SMIM14: variants seen among roughly 807,000 people sequenced by gnomAD.
SMIM14 encodes the protein small integral membrane protein 14, also known as chromosome 4 open reading frame 34.
Under a neutral mutation model 12.6 loss-of-function variants are expected in SMIM14, and 5 were observed. The observed-to-expected ratio is 0.40, with a 90% confidence interval of 0.21 to 0.83. The LOEUF (loss-of-function observed/expected upper bound fraction) is 0.83, where lower values mean the gene tolerates loss of function less well. SMIM14 is among the 40% of genes least tolerant of loss of function. The pLI is 0.37. For synonymous variants in SMIM14, 30 were observed against 40.1 expected (o/e 0.75, Z 0.95); for missense variants, 86 against 119.1 (o/e 0.72, Z 1.29).
chr4:39,562,521 C>T (rs1318842317), intron 3 of SMIM14, among the ~76,000 whole-genome samples: 2 of 152,174 alleles, frequency 1.3e-5, no homozygotes, highest in Admixed American at 1.3e-4. Context: ...CAGTGTCTCA[C>T]TCTGTCTCCC....
chr4:39,575,144 C>T (rs867542772), intron 2 of SMIM14, among the ~76,000 whole-genome samples: 11 of 146,698 alleles, frequency 7.5e-5, no homozygotes, highest in Middle Eastern at 7.0e-3. Context: ...ATGAGTGGCG[C>T]AATCACAGCT....
intron 1 of SMIM14, among the ~76,000 whole-genome samples, chr4:39,636,722 G>A (rs916806053): frequency 1.3e-5 from 2 of 151,882 alleles, no homozygotes; most frequent in Non-Finnish European, 1.5e-5. Context: ...CCCCCCAGTG[G>A]ATGCCTAAAG....
At chr4:39,637,169 C>T (rs1224604653) in intron 1 of SMIM14, among the ~76,000 whole-genome samples, 1 of 152,104 alleles carries the variant, frequency 6.6e-6, no homozygotes, top group Non-Finnish European at 1.5e-5. Flanking sequence ...AGGGTATAAA[C>T]TAACATTTTG....
Position 39,551,488 on chromosome 4 carries a change from T to C in SMIM14, c.*638A>G, listed in dbSNP as rs1711701056. 1 of 152,580 alleles carries C rather than the reference T, an allele frequency of 6.6e-6. No individual in the cohort carries two copies. Among genetic ancestry groups the C allele is most frequent in the African/African-American group, 2.4e-5 (1 of 41,424 alleles). The allele number at this position is 152,580 out of a possible 1,614,324, so 9.5% of individuals were successfully genotyped here. A position where few individuals can be genotyped will look rare whatever the true frequency, so the allele number is the denominator to read the frequency against. ...GAGATTTTTAATGGGAGTATAAAATTAGTAAACAACCATTTCATTTTTTCT... is the reference window on the plus strand; with the variant it reads ...GAGATTTTTAATGGGAGTATAAAATCAGTAAACAACCATTTCATTTTTTCT... On this transcript the variant is annotated 3_prime_UTR_variant, in exon 5 of 5. Coordinates refer to ENST00000295958, the MANE Select transcript of SMIM14 (RefSeq NM_174921.3).
chr4:39,621,010 T>G lies in SMIM14; in HGVS notation c.-35-15830A>C, dbSNP rs150379052. ...CAATAAATTCAGTGCTAGGAAAACC[T>G]ACAGTGTTACAGCTCTTTTAGAATT... On this transcript the variant is annotated intron_variant, in intron 1 of 4. Coordinates refer to ENST00000295958, the MANE Select transcript of SMIM14 (RefSeq NM_174921.3). 43 of 152,316 alleles carry G rather than the reference T, an allele frequency of 2.8e-4. 2 individuals are homozygous for G. In the East Asian group the frequency reaches 8.3e-3, roughly 29 times the overall value. The allele number at this position is 152,316 out of a possible 1,614,324, so 9.4% of individuals were successfully genotyped here.
intron 2 of SMIM14, among the ~76,000 whole-genome samples, chr4:39,602,596 A>AAAAC (rs747522863): frequency 2.6e-5 from 4 of 152,210 alleles, no homozygotes; most frequent in Admixed American, 2.6e-4. Context: ...TCCATGTCAA[A>AAAAC]AAACAAACAA....
chr4:39,604,830 C>T (rs911978498), intron 2 of SMIM14, among the ~76,000 whole-genome samples: 3 of 152,022 alleles, frequency 2.0e-5, no homozygotes, highest in Admixed American at 1.3e-4. Flanking sequence ...AAACTGGTCT[C>T]GAACTCCTGA....
intron 2 of SMIM14, among the ~76,000 whole-genome samples, chr4:39,580,619 C>G (rs1267478397): frequency 1.3e-5 from 2 of 152,026 alleles, no homozygotes; most frequent in African/African-American, 4.8e-5. Flanking sequence ...CTCTGCCTCC[C>G]AGGTTCAAGC....
chr4:39,633,249 A>T (rs1228715160), intron 1 of SMIM14, among the ~76,000 whole-genome samples: 1 of 151,620 alleles, frequency 6.6e-6, no homozygotes, highest in Non-Finnish European at 1.5e-5. Context: ...AGCCGAGATC[A>T]CCCCACTGCA....
At chr4:39,601,498 G>A (rs1466939705) in intron 2 of SMIM14, among the ~76,000 whole-genome samples, 2 of 152,190 alleles carry the variant, frequency 1.3e-5, no homozygotes, top group Non-Finnish European at 2.9e-5. Flanking sequence ...TAAGCACACA[G>A]GGATTTAAAT....
intron 2 of SMIM14, among the ~76,000 whole-genome samples, chr4:39,598,299 G>A (rs1322713622): frequency 2.6e-5 from 4 of 152,090 alleles, no homozygotes; most frequent in Admixed American, 6.6e-5. Flanking sequence ...AGTTATTCGT[G>A]TACACAATTT....
chr4:39,626,587 G>A (rs998455767), intron 1 of SMIM14, among the ~76,000 whole-genome samples: 1 of 152,182 alleles, frequency 6.6e-6, no homozygotes, highest in Non-Finnish European at 1.5e-5. Context: ...GGATACAGAA[G>A]AAACAAAGGT....
chr4:39,629,070 T>G, intron 1 of SMIM14, among the ~76,000 whole-genome samples: 1 of 150,998 alleles, frequency 6.6e-6, no homozygotes, highest in South Asian at 2.1e-4. Context: ...CAGAAAAATT[T>G]AACAGAAAAT....
chr4:39,628,418 T>TA (rs1715781160), intron 1 of SMIM14, among the ~76,000 whole-genome samples: 1 of 151,830 alleles, frequency 6.6e-6, no homozygotes, highest in South Asian at 2.1e-4. Context: ...CTCACGCCTG[T>TA]AATCCCAGCA....
At chr4:39,606,998 A>C (rs149391367) in intron 1 of SMIM14, among the ~76,000 whole-genome samples, 5 of 152,342 alleles carry the variant, frequency 3.3e-5, no homozygotes, top group African/African-American at 1.2e-4. Context: ...ACATAATAAC[A>C]GTAGCTATCA....
chr4:39,625,217 CAA>C (rs555489081), intron 1 of SMIM14, among the ~76,000 whole-genome samples: 19 of 56,246 alleles, frequency 3.4e-4, no homozygotes, highest in Admixed American at 6.5e-4. Flanking sequence ...GACATCATCT[CAA>C]AAAAAAAAAA....
chr4:39,601,812 T>TG (rs753938299), intron 2 of SMIM14, among the ~76,000 whole-genome samples: 6 of 151,886 alleles, frequency 4.0e-5, no homozygotes, highest in Admixed American at 6.6e-5. Flanking sequence ...TTGGGCATGG[T>TG]GGTGCATGCC....
intron 2 of SMIM14, among the ~76,000 whole-genome samples, chr4:39,600,808 T>C (rs1714581487): frequency 6.6e-6 from 1 of 152,134 alleles, no homozygotes; most frequent in South Asian, 2.1e-4. Context: ...GAGGCGGACG[T>C]TGCAGTGAGC....
rs200465052 is a variant in SMIM14, at chr4:39,601,946, T to TCAAAAAA, written c.75+3124_75+3125insTTTTTTG. ...TGGGGGAAAAGAATAAGACCCTATCTTAAAAAAAAAAAACAAAAAAAATGC... is the reference window on the plus strand; with the variant it reads ...TGGGGGAAAAGAATAAGACCCTATCTCAAAAAATAAAAAAAAAAAACAAAAAAAATGC... On this transcript the variant is annotated intron_variant, in intron 2 of 4. Transcript: ENST00000295958. 3.9e-5 allele frequency among the ~76,000 whole-genome samples: 3 copies of TCAAAAAA among 77,282 alleles called. 1 individual carries two copies. Among genetic ancestry groups the TCAAAAAA allele is most frequent in the African/African-American group, 4.2e-5 (1 of 23,852 alleles). 50.7% of individuals were successfully genotyped at this position (77,282 alleles called of 152,430 possible). A position where few individuals can be genotyped will look rare whatever the true frequency, so the allele number is the denominator to read the frequency against.
Sources: gnomAD v4.1 joint callset for allele counts (sites outside exome capture counted in the v4.1 genomes callset) on GRCh38, gnomAD v4.1.1 for gene constraint, MANE v1.5 for transcripts, NCBI Gene and HGNC (gene_info 2026-07-23, HGNC 2026-07-21) for gene names.